Variants in KCNH8 observed in about 807,000 individuals in gnomAD.
The protein encoded by KCNH8 is potassium voltage-gated channel subfamily H member 8.
In KCNH8, 70 loss-of-function variants were observed where a neutral mutation model predicts 103.6. The ratio of observed to expected loss-of-function variants is 0.68; its 90% CI spans 0.56 to 0.82. The LOEUF (loss-of-function observed/expected upper bound fraction) is 0.82. Ranked by LOEUF, KCNH8 falls within the 40% of genes least tolerant of loss-of-function variation. The pLI, the probability that KCNH8 is intolerant of heterozygous loss-of-function variation, is 0.00. For synonymous variants in KCNH8, 498 were observed against 489.4 expected (o/e 1.02, Z -0.23); for missense variants, 1,217 against 1,329.9 (o/e 0.92, Z 1.32).
chr3:19,374,025 C>T (rs987504930), intron 5 of KCNH8, among the ~76,000 whole-genome samples: 1 of 152,080 alleles, frequency 6.6e-6, no homozygotes, highest in African/African-American at 2.4e-5. Context: ...TGCTTTACTT[C>T]CAAGTACGTG....
intron 11 of KCNH8, among the ~76,000 whole-genome samples, chr3:19,477,505 C>A (rs1338435824): frequency 2.0e-5 from 3 of 151,440 alleles, no homozygotes; most frequent in Non-Finnish European, 2.9e-5. Flanking sequence ...ATGAGGCTTA[C>A]ACTGCCCAAC....
intron 7 of KCNH8, among the ~76,000 whole-genome samples, chr3:19,431,403 T>C (rs998276022): frequency 6.6e-6 from 1 of 152,102 alleles, no homozygotes; most frequent in Admixed American, 6.5e-5. Context: ...TTGTTGAGAG[T>C]TTTTGCATCG....
chr3:19,309,780 C>T (rs1453252100), intron 3 of KCNH8, among the ~76,000 whole-genome samples: 1 of 151,914 alleles, frequency 6.6e-6, no homozygotes, highest in Admixed American at 6.6e-5. Context: ...TTCTTGCAAC[C>T]ATCAGCCATG....
At chr3:19,498,893 G>GGGGGTCA (rs1201700450) in intron 11 of KCNH8, among the ~76,000 whole-genome samples, 1 of 152,112 alleles carries the variant, frequency 6.6e-6, no homozygotes, top group Non-Finnish European at 1.5e-5. Flanking sequence ...TAGGCTGCTT[G>GGGGGTCA]GGGGTCAGGG....
At chr3:19,160,091 T>C (rs1460591113) in intron 1 of KCNH8, among the ~76,000 whole-genome samples, 1 of 152,132 alleles carries the variant, frequency 6.6e-6, no homozygotes, top group Non-Finnish European at 1.5e-5. Flanking sequence ...TGCAGACATT[T>C]ACATTTGTCA....
intron 11 of KCNH8, among the ~76,000 whole-genome samples, chr3:19,481,433 A>C (rs758504901): frequency 5.9e-5 from 9 of 152,132 alleles, no homozygotes; most frequent in Non-Finnish European, 1.2e-4. Context: ...ATTAGAGATG[A>C]CTAGAAGTTC....
At chr3:19,513,372 T>G in intron 13 of KCNH8, 47 bp downstream of exon 13, 1 of 1,542,012 alleles carries the variant, frequency 6.5e-7, no homozygotes, top group Non-Finnish European at 8.7e-7. Context: ...GTGGCTGCCT[T>G]TTATACAGAG....
At chr3:19,396,626 T>C (rs1249277594) in intron 7 of KCNH8, among the ~76,000 whole-genome samples, 1 of 151,928 alleles carries the variant, frequency 6.6e-6, no homozygotes, top group Non-Finnish European at 1.5e-5. Context: ...AAAGCAAACA[T>C]ATCTTAGATA....
chr3:19,209,999 C>T (rs988697453), intron 1 of KCNH8, among the ~76,000 whole-genome samples: 1 of 152,040 alleles, frequency 6.6e-6, no homozygotes, highest in African/African-American at 2.4e-5. Flanking sequence ...TCAGAGTTCC[C>T]TTTGCCAAAA....
chr3:19,410,320 A>C lies in KCNH8; in HGVS notation c.1177+15009A>C, dbSNP rs534959673. 2.6e-5 allele frequency among the ~76,000 whole-genome samples: 4 copies of C among 152,276 alleles called. No individual in the cohort carries two copies. The South Asian group carries it at 8.3e-4, about 32-fold the overall frequency. On this transcript the variant is annotated intron_variant, in intron 7 of 15. Coordinates refer to ENST00000328405, the MANE Select transcript of KCNH8 (RefSeq NM_144633.3). ...TTGGGTGAACAAAGAATCAAGGCAG[A>C]AATTTCAAAATTATTTGAAATAAAT...
intron 11 of KCNH8, among the ~76,000 whole-genome samples, chr3:19,467,801 A>G (rs1434453357): frequency 6.6e-6 from 1 of 152,160 alleles, no homozygotes; most frequent in Non-Finnish European, 1.5e-5. Context: ...AGTAACATCC[A>G]GACTTTTTAT....
At chr3:19,466,952 C>T (rs745315512) in intron 11 of KCNH8, among the ~76,000 whole-genome samples, 4 of 152,020 alleles carry the variant, frequency 2.6e-5, no homozygotes, top group Non-Finnish European at 5.9e-5. Flanking sequence ...TGAGCCACTG[C>T]GCCCGGCCAA....
At chr3:19,305,415 G>A (rs1437648240) in intron 3 of KCNH8, among the ~76,000 whole-genome samples, 1 of 152,134 alleles carries the variant, frequency 6.6e-6, no homozygotes, top group African/African-American at 2.4e-5. Context: ...TTAAGGAAGT[G>A]AAGACAGAAT....
intron 7 of KCNH8, among the ~76,000 whole-genome samples, chr3:19,437,000 T>G (rs1368032616): frequency 6.6e-6 from 1 of 152,170 alleles, no homozygotes; most frequent in Non-Finnish European, 1.5e-5. Flanking sequence ...TTCTCCTTGG[T>G]CTCAAGGAAT....
chr3:19,374,498 C>T (rs1412039420), intron 5 of KCNH8, among the ~76,000 whole-genome samples: 1 of 151,858 alleles, frequency 6.6e-6, no homozygotes, highest in East Asian at 1.9e-4. Context: ...TGAGCCTAGT[C>T]TCTGCACGTG....
At chr3:19,264,258 C>G (rs796820846) in intron 2 of KCNH8, among the ~76,000 whole-genome samples, 19 of 152,218 alleles carry the variant, frequency 1.2e-4, no homozygotes, top group Admixed American at 6.5e-4. Context: ...TGAGAAAGTA[C>G]GTGCACTGAA....
chr3:19,513,753 T>C lies in KCNH8; in HGVS notation c.2435+428T>C, dbSNP rs191607715. On this transcript the variant is annotated intron_variant, in intron 13 of 15. Transcript: ENST00000328405. The stretch of plus-strand genomic sequence containing the variant: ...ATGAAATGCAGATTTTTATTTTTCA[T>C]ACTATTCTTGCCTTATTATCAAGGA... Among the ~76,000 whole-genome samples the C allele has an allele frequency of 1.5e-3, 227 of 152,314 alleles. 1 individual carries two copies. Among genetic ancestry groups the C allele is most frequent in the African/African-American group, 5.1e-3 (211 of 41,588 alleles).
intron 5 of KCNH8, among the ~76,000 whole-genome samples, chr3:19,352,132 G>T (rs1047632218): frequency 3.3e-5 from 5 of 151,374 alleles, no homozygotes; most frequent in African/African-American, 7.3e-5. Context: ...GATCAAAAGA[G>T]ACAAGGCCAT....
intron 11 of KCNH8, among the ~76,000 whole-genome samples, chr3:19,490,519 T>C (rs193265099): frequency 6.6e-6 from 1 of 152,316 alleles, no homozygotes; most frequent in African/African-American, 2.4e-5. Flanking sequence ...TTCCATACAA[T>C]GTCTGTAATC....
Sources: gnomAD v4.1 joint callset for allele counts (sites outside exome capture counted in the v4.1 genomes callset) on GRCh38, gnomAD v4.1.1 for gene constraint, MANE v1.5 for transcripts, NCBI Gene and HGNC (gene_info 2026-07-23, HGNC 2026-07-21) for gene names.